Variants in DZIP3 observed in about 807,000 individuals in gnomAD.
The protein encoded by DZIP3 is E3 ubiquitin-protein ligase DZIP3.
DZIP3 carries 118 observed loss-of-function variants against 162.0 expected under a neutral mutation model. The ratio of observed to expected loss-of-function variants is 0.73; its 90% confidence interval spans 0.63 to 0.85. The LOEUF (loss-of-function observed/expected upper bound fraction) is 0.85, where lower values mean the gene tolerates loss of function less well. DZIP3 is among the 40% of genes least tolerant of loss of function. The pLI, the probability that DZIP3 is intolerant of heterozygous loss-of-function variation, is 0.00. For synonymous variants in DZIP3, 438 were observed against 458.6 expected (o/e 0.96, Z 0.57); for missense variants, 1,331 against 1,407.0 (o/e 0.95, Z 0.86).
chr3:108,607,393 G>GT (rs1252617107), intron 2 of DZIP3, among the ~76,000 whole-genome samples: 40 of 152,150 alleles, frequency 2.6e-4, no homozygotes, highest in Non-Finnish European at 8.8e-5. Context: ...TCACCTCAGT[G>GT]TTATCTCTGC....
At chr3:108,662,102 A>G in intron 20 of DZIP3, 28 bp from the exon 21 acceptor site, 1 of 1,575,982 alleles carries the variant, frequency 6.3e-7, no homozygotes, top group Non-Finnish European at 8.6e-7. Context: ...GAACATAATT[A>G]TCTGAAATAA....
chr3:108,644,132 G>A, intron 13 of DZIP3, 32 bp from the exon 14 acceptor site: 2 of 1,550,490 alleles, frequency 1.3e-6, no homozygotes, highest in Non-Finnish European at 8.6e-7. Context: ...CATTAATGTG[G>A]AATGTCTTGA....
intron 27 of DZIP3, 56 bp from the exon 28 acceptor site, chr3:108,686,389 G>C: frequency 6.9e-7 from 1 of 1,446,586 alleles, no homozygotes; most frequent in Non-Finnish European, 9.1e-7. Flanking sequence ...TGAGGTATAG[G>C]AATGTCACTT....
At chr3:108,629,289 A>C (rs1156327629) in intron 8 of DZIP3, 113 bp downstream of exon 8, 2 of 699,420 alleles carry the variant, frequency 2.9e-6, no homozygotes, top group East Asian at 2.9e-5. Context: ...TTTATACAAG[A>C]AACAACCTTT....
intron 4 of DZIP3, among the ~76,000 whole-genome samples, chr3:108,615,591 G>A (rs1304148512): frequency 6.6e-6 from 1 of 152,132 alleles, no homozygotes; most frequent in African/African-American, 2.4e-5. Context: ...ACCAAGTTAT[G>A]GAAGTGTAGA....
chr3:108,661,791 G>A, intron 19 of DZIP3, 86 bp from the exon 20 acceptor site: 1 of 1,029,100 alleles, frequency 9.7e-7, no homozygotes. Context: ...CGTGAAAGGA[G>A]TTAGATGGCA....
chr3:108,627,019 T>C (rs552131570), intron 7 of DZIP3, among the ~76,000 whole-genome samples: 4 of 152,336 alleles, frequency 2.6e-5, no homozygotes, highest in Non-Finnish European at 5.9e-5. Flanking sequence ...CTTGCCTGTT[T>C]TTTTACTAGG....
chr3:108,660,308 A>T (rs1432365840), intron 19 of DZIP3, among the ~76,000 whole-genome samples: 1 of 152,226 alleles, frequency 6.6e-6, no homozygotes, highest in Non-Finnish European at 1.5e-5. Context: ...CCAATGGAAC[A>T]GAACGGAGCC....
intron 1 of DZIP3, among the ~76,000 whole-genome samples, chr3:108,598,290 A>G (rs1260529841): frequency 6.6e-6 from 1 of 152,204 alleles, no homozygotes; most frequent in Non-Finnish European, 1.5e-5. Flanking sequence ...TTTATTAGCT[A>G]TGAGACTCTA....
chr3:108,661,323 A>G (rs138323129), intron 19 of DZIP3, among the ~76,000 whole-genome samples: 5 of 152,188 alleles, frequency 3.3e-5, no homozygotes, highest in African/African-American at 1.2e-4. Flanking sequence ...TGATGAGTTC[A>G]TGTCCTTTTT....
At chr3:108,689,026 C>A in intron 31 of DZIP3, 102 bp downstream of exon 31, 1 of 1,152,260 alleles carries the variant, frequency 8.7e-7, no homozygotes. Context: ...TCACAAGTTC[C>A]ACTGGATATA....
intron 12 of DZIP3, among the ~76,000 whole-genome samples, chr3:108,640,627 G>A (rs1301610477): frequency 1.3e-5 from 2 of 151,884 alleles, no homozygotes; most frequent in Non-Finnish European, 2.9e-5. Flanking sequence ...TGTATTTTTA[G>A]TAGAGACGGG....
intron 1 of DZIP3, among the ~76,000 whole-genome samples, chr3:108,604,208 A>G (rs1227974163): frequency 6.6e-6 from 1 of 152,172 alleles, no homozygotes; most frequent in Non-Finnish European, 1.5e-5. Context: ...TGGCTACCCA[A>G]TTACTGGATA....
In DZIP3 at chr3:108,605,362, T is replaced by A; in HGVS notation, c.-45T>A. 1 of 1,612,776 alleles carries A rather than the reference T, an allele frequency of 6.2e-7. No individual in the cohort carries two copies. The highest frequency in any genetic ancestry group is 8.5e-7 in the Non-Finnish European group (1 of 1,179,314). Reference sequence around the variant, plus strand: ...TTAAAGGGCAGTATTTAAAGTCAGTTGGCAAGCAGTGGAATAAGATTTTTG... The same window carrying A: ...TTAAAGGGCAGTATTTAAAGTCAGTAGGCAAGCAGTGGAATAAGATTTTTG... On this transcript the variant is annotated 5_prime_UTR_variant, in exon 2 of 33. Transcript: ENST00000361582.
chr3:108,692,797 C>G (rs1944745788), intron 32 of DZIP3, among the ~76,000 whole-genome samples: 1 of 151,610 alleles, frequency 6.6e-6, no homozygotes, highest in South Asian at 2.1e-4. Context: ...TACCATTAGA[C>G]CATACCTTTT....
Position 108,605,379 on chromosome 3 carries a change from A to G in DZIP3, c.-28A>G. ...AAGTCAGTTGGCAAGCAGTGGAATA[A>G]GATTTTTGTAAAGAAACCTTGTGCA... On this transcript the variant is annotated 5_prime_UTR_variant, in exon 2 of 33. Coordinates refer to ENST00000361582, the MANE Select transcript of DZIP3 (RefSeq NM_014648.4). 1 of 1,613,322 alleles carries G rather than the reference A, an allele frequency of 6.2e-7. No individual in the cohort carries two copies. Among genetic ancestry groups the G allele is most frequent in the South Asian group, 1.1e-5 (1 of 90,978 alleles).
chr3:108,683,142 G>T (rs1329702824), intron 26 of DZIP3, among the ~76,000 whole-genome samples: 1 of 150,486 alleles, frequency 6.6e-6, no homozygotes, highest in Non-Finnish European at 1.5e-5. Flanking sequence ...GCAAACCCCA[G>T]ATATCATCCA....
chr3:108,657,260 G>C (rs374552629), intron 19 of DZIP3, among the ~76,000 whole-genome samples: 1 of 152,010 alleles, frequency 6.6e-6, no homozygotes, highest in Non-Finnish European at 1.5e-5. Flanking sequence ...TACCCACAAA[G>C]GGAAGCCCAT....
chr3:108,641,596 C>T (rs4855659), intron 12 of DZIP3, among the ~76,000 whole-genome samples: 1 of 152,302 alleles, frequency 6.6e-6, no homozygotes, highest in Admixed American at 6.5e-5. Context: ...ATATCTATAA[C>T]TTTACTAGCT....
Sources: allele counts gnomAD v4.1 joint callset (sites outside exome capture counted in the v4.1 genomes callset), GRCh38; gene constraint gnomAD v4.1.1; transcripts MANE v1.5; gene names NCBI Gene and HGNC (gene_info 2026-07-23, HGNC 2026-07-21).